Variants in HS6ST3 observed in about 807,000 individuals in gnomAD.
HS6ST3 encodes heparan sulfate 6-O-sulfotransferase 3.
Under a neutral mutation model 36.7 loss-of-function variants are expected in HS6ST3, and 12 were observed. That is an observed-to-expected ratio of 0.33 (90% CI 0.21 to 0.53). The LOEUF (loss-of-function observed/expected upper bound fraction) is 0.53, where lower values mean the gene tolerates loss of function less well. HS6ST3 is among the 20% of genes least tolerant of loss of function. The pLI, the probability that HS6ST3 is intolerant of heterozygous loss-of-function variation, is 0.95. For missense variants in HS6ST3, 584 were observed against 640.9 expected (o/e 0.91, Z 0.96); for synonymous variants, 240 against 257.5 (o/e 0.93, Z 0.65).
At chr13:96,240,550 A>T (rs184917654) in intron 1 of HS6ST3, among the ~76,000 whole-genome samples, 2 of 152,292 alleles carry the variant, frequency 1.3e-5, no homozygotes, top group Admixed American at 1.3e-4. Flanking sequence ...TTAAGTAGGA[A>T]TTGGGTAAAG....
At chr13:96,778,008 G>A (rs563925172) in intron 1 of HS6ST3, among the ~76,000 whole-genome samples, 1 of 152,260 alleles carries the variant, frequency 6.6e-6, no homozygotes, top group East Asian at 1.9e-4. Context: ...AGAGGCCTCA[G>A]AAATAATGCC....
chr13:96,626,387 CCA>C (rs1204005486), intron 1 of HS6ST3, among the ~76,000 whole-genome samples: 7 of 152,126 alleles, frequency 4.6e-5, no homozygotes, highest in Admixed American at 4.6e-4. Context: ...TACCCTTTCT[CCA>C]CAGTTTTGCA....
intron 1 of HS6ST3, among the ~76,000 whole-genome samples, chr13:96,286,469 C>A (rs1396788460): frequency 6.6e-6 from 1 of 152,048 alleles, no homozygotes; most frequent in Non-Finnish European, 1.5e-5. Flanking sequence ...AATACAAAAG[C>A]AGATCTCCAG....
At chr13:96,527,032 T>C (rs1011422499) in intron 1 of HS6ST3, among the ~76,000 whole-genome samples, 1 of 152,232 alleles carries the variant, frequency 6.6e-6, no homozygotes, top group African/African-American at 2.4e-5. Flanking sequence ...CACTTATTTC[T>C]TTTTACTTTT....
In HS6ST3 at chr13:96,834,754, A is replaced by T. The variant is rs1004025924; in HGVS notation, c.*1556A>T. 1 of 152,582 alleles carries T rather than the reference A, an allele frequency of 6.6e-6. No homozygotes were observed. The allele number at this position is 152,582 out of a possible 1,614,324, so 9.5% of individuals were successfully genotyped here. On this transcript the variant is annotated 3_prime_UTR_variant, in exon 2 of 2. Transcript: ENST00000376705. ...TGTTTAAGCTAGCTTTACCTAAGCC[A>T]CTTCTCAGCCTCCAGAATACTCTCT...
chr13:96,402,922 A>G (rs1048363864), intron 1 of HS6ST3, among the ~76,000 whole-genome samples: 2 of 152,202 alleles, frequency 1.3e-5, no homozygotes, highest in African/African-American at 4.8e-5. Flanking sequence ...TCGCTTGGGT[A>G]ACACCTAGGA....
chr13:96,226,887 T>TA (rs1363691785), intron 1 of HS6ST3, among the ~76,000 whole-genome samples: 1 of 152,272 alleles, frequency 6.6e-6, no homozygotes, highest in Non-Finnish European at 1.5e-5. Flanking sequence ...GAGAGCCAGC[T>TA]ACTCTTAACA....
At chr13:96,213,759 T>C (rs570843679) in intron 1 of HS6ST3, among the ~76,000 whole-genome samples, 1 of 152,304 alleles carries the variant, frequency 6.6e-6, no homozygotes, top group South Asian at 2.1e-4. Flanking sequence ...TTTTCAGAGA[T>C]AGGAAGAATG....
chr13:96,095,863 G>GGTTGTGTGTGTGTGT, intron 1 of HS6ST3, among the ~76,000 whole-genome samples: 1 of 140,408 alleles, frequency 7.1e-6, no homozygotes, highest in African/African-American at 2.7e-5. Context: ...TTATATGACT[G>GGTTGTGTGTGTGTGT]GTGTGTGTGT....
intron 1 of HS6ST3, among the ~76,000 whole-genome samples, chr13:96,589,709 G>T (rs1383511077): frequency 6.6e-6 from 1 of 151,864 alleles, no homozygotes; most frequent in African/African-American, 2.4e-5. Flanking sequence ...TTGTATTTCT[G>T]TATTTAATTT....
intron 1 of HS6ST3, among the ~76,000 whole-genome samples, chr13:96,152,333 T>TTTTTTTGTTG (rs551626263): frequency 2.5e-5 from 2 of 78,438 alleles, no homozygotes; most frequent in Non-Finnish European, 5.1e-5. Context: ...TTTTTTTTTT[T>TTTTTTTGTTG]TTGTTGTTGT....
chr13:96,639,124 G>A (rs2056561174), intron 1 of HS6ST3, among the ~76,000 whole-genome samples: 1 of 151,852 alleles, frequency 6.6e-6, no homozygotes, highest in Non-Finnish European at 1.5e-5. Flanking sequence ...TATTGAAAGT[G>A]GGTCATTGAA....
At chr13:96,636,126 CT>C (rs1471184466) in intron 1 of HS6ST3, among the ~76,000 whole-genome samples, 1 of 152,132 alleles carries the variant, frequency 6.6e-6, no homozygotes, top group Admixed American at 6.6e-5. Context: ...TTTCTTTCAT[CT>C]GGCTTCTGCA....
chr13:96,484,703 A>G (rs1179254521), intron 1 of HS6ST3, among the ~76,000 whole-genome samples: 2 of 152,178 alleles, frequency 1.3e-5, no homozygotes, highest in African/African-American at 2.4e-5. Context: ...GCTAAATAAT[A>G]TTCCAGTGTG....
At chr13:96,756,875 C>T (rs1054766057) in intron 1 of HS6ST3, among the ~76,000 whole-genome samples, 21 of 152,168 alleles carry the variant, frequency 1.4e-4, no homozygotes, top group African/African-American at 3.9e-4. Flanking sequence ...TATTCGTTTT[C>T]TATGCTGCAT....
intron 1 of HS6ST3, among the ~76,000 whole-genome samples, chr13:96,717,526 C>A (rs953736840): frequency 6.6e-6 from 1 of 152,114 alleles, no homozygotes. Flanking sequence ...ACCCTGCAAG[C>A]GTGTTTCCTT....
At chr13:96,635,166 CTT>C (rs1452655757) in intron 1 of HS6ST3, among the ~76,000 whole-genome samples, 1 of 152,118 alleles carries the variant, frequency 6.6e-6, no homozygotes, top group Non-Finnish European at 1.5e-5. Context: ...ATGTTACTCC[CTT>C]TTATATGTTC....
At chr13:96,173,715 A>G (rs986205270) in intron 1 of HS6ST3, among the ~76,000 whole-genome samples, 2 of 150,378 alleles carry the variant, frequency 1.3e-5, no homozygotes, top group African/African-American at 4.9e-5. Context: ...GGATAGTAAT[A>G]TTTACTTAGT....
intron 1 of HS6ST3, among the ~76,000 whole-genome samples, chr13:96,713,469 A>G (rs966778167): frequency 6.6e-6 from 1 of 152,228 alleles, no homozygotes; most frequent in African/African-American, 2.4e-5. Context: ...CAAAAAATGC[A>G]TTAAAGCCCA....
Sources: gnomAD v4.1 joint callset for allele counts (sites outside exome capture counted in the v4.1 genomes callset) on GRCh38, gnomAD v4.1.1 for gene constraint, MANE v1.5 for transcripts, NCBI Gene and HGNC (gene_info 2026-07-23, HGNC 2026-07-21) for gene names.